The following VTI1A variants were observed in gnomAD, a reference collection of about 807,000 sequenced individuals.
The protein encoded by VTI1A is vesicle transport through interaction with t-SNAREs homolog 1A.
Under a neutral mutation model 34.9 loss-of-function variants are expected in VTI1A, and 22 were observed. That is an observed-to-expected ratio of 0.63 (90% CI 0.45 to 0.90). The LOEUF (loss-of-function observed/expected upper bound fraction) is 0.90, where lower values mean the gene tolerates loss of function less well. Ranked by LOEUF, VTI1A falls within the 40% of genes least tolerant of loss-of-function variation. The probability of loss-of-function intolerance (pLI) is 0.00; values close to 1 mark genes in which losing one functional copy is unlikely to be tolerated. For synonymous variants in VTI1A, 87 were observed against 97.3 expected, an observed-to-expected ratio of 0.89 and a Z score of 0.62; for missense variants, 268 against 275.6, an observed-to-expected ratio of 0.97 and a Z score of 0.20.
At chr10:112,584,261 T>G (rs555399900) in intron 5 of VTI1A, among the ~76,000 whole-genome samples, 1 of 152,286 alleles carries the variant, frequency 6.6e-6, no homozygotes, top group Non-Finnish European at 1.5e-5. Context: ...TCATTGTAAT[T>G]AAGGCAGAAC....
rs1277139230 is a variant in VTI1A, at chr10:112,668,928, T to G, written c.499-9T>G. On this transcript the variant is annotated splice_polypyrimidine_tract_variant and intron_variant, in intron 6 of 7. Coordinates refer to ENST00000393077, the MANE Select transcript of VTI1A (RefSeq NM_145206.4). ...ATGAACTTCTGTTTTGTTTTGTTTC[T>G]TCTTGTAGCTTCGGGAAACAGATGC... The G allele has an allele frequency of 1.2e-6, 2 of 1,612,196 alleles. No homozygotes were observed. The highest frequency in any genetic ancestry group is 2.2e-5 in the East Asian group (1 of 44,838).
rs1243135030 is a variant in VTI1A at position 112,767,215 on chromosome 10, G to T, written c.561-48075G>T. 6.6e-6 allele frequency among the ~76,000 whole-genome samples: 1 copy of T among 152,164 alleles called. No individual in the cohort carries two copies. The highest frequency in any genetic ancestry group is 1.5e-5 in the Non-Finnish European group (1 of 68,052). Reference sequence around the variant, plus strand: ...GTGCTAAGCTCTTATATGTGTTAGCGCATTTTAATTCTCACAGCAATCTTT... The same window carrying T: ...GTGCTAAGCTCTTATATGTGTTAGCTCATTTTAATTCTCACAGCAATCTTT... On this transcript the variant is annotated intron_variant, in intron 7 of 7. Coordinates refer to ENST00000393077, the MANE Select transcript of VTI1A (RefSeq NM_145206.4). This position sits in a 1 kb window ranked among gnomAD's most constrained non-coding sequence, Gnocchi z 4.0.
chr10:112,658,697 G>A (rs1281964460), intron 5 of VTI1A, among the ~76,000 whole-genome samples: 1 of 152,142 alleles, frequency 6.6e-6, no homozygotes, highest in Admixed American at 6.5e-5. Flanking sequence ...CAGTGGGGAG[G>A]TGGCAAACTG....
intron 7 of VTI1A, among the ~76,000 whole-genome samples, chr10:112,707,254 G>A (rs12355107): frequency 1 from 151,794 of 152,190 alleles, 75,704 homozygotes; most frequent in Middle Eastern, 1. Context: ...TGCAGCCTCA[G>A]CCTTCCCGGG....
chr10:112,503,234 T>G (rs1237317785), intron 3 of VTI1A, among the ~76,000 whole-genome samples: 1 of 152,194 alleles, frequency 6.6e-6, no homozygotes, highest in Non-Finnish European at 1.5e-5. Context: ...TGTATATTTG[T>G]ACCCATTAAT....
intron 5 of VTI1A, among the ~76,000 whole-genome samples, chr10:112,580,655 G>A (rs1843893333): frequency 6.6e-6 from 1 of 152,166 alleles, no homozygotes; most frequent in South Asian, 2.1e-4. Flanking sequence ...CTGTAGGGTA[G>A]TAGGGAGTGC....
intron 5 of VTI1A, among the ~76,000 whole-genome samples, chr10:112,642,977 C>CTTTTTTTTTT (rs58619611): frequency 3.3e-5 from 4 of 121,016 alleles, no homozygotes; most frequent in Non-Finnish European, 6.5e-5. Flanking sequence ...TTTTTCTTTT[C>CTTTTTTTTTT]TTTTTTTTTT....
chr10:112,851,448 A>G, the VTI1A span, among the ~76,000 whole-genome samples: 2 of 152,080 alleles, frequency 1.3e-5, no homozygotes, highest in Non-Finnish European at 2.9e-5. Context: ...ACCTCCTTCA[A>G]TCGAGATTCT....
chr10:112,823,685 C>T (rs1051963898), downstream of VTI1A: 1 of 152,228 alleles, frequency 6.6e-6, no homozygotes, highest in Non-Finnish European at 1.5e-5. Context: ...GCCTGGGCAT[C>T]CCAGCAAATG....
intron 5 of VTI1A, among the ~76,000 whole-genome samples, chr10:112,550,354 T>C (rs1276027290): frequency 6.6e-6 from 1 of 152,038 alleles, no homozygotes; most frequent in Non-Finnish European, 1.5e-5. Flanking sequence ...AGAAGGTTTT[T>C]TTTTTTTTTT....
chr10:112,633,059 T>C (rs1459983735), intron 5 of VTI1A, among the ~76,000 whole-genome samples: 1 of 152,136 alleles, frequency 6.6e-6, no homozygotes, highest in Non-Finnish European at 1.5e-5. Flanking sequence ...TGGTGGCTCA[T>C]GCCAGTAATC....
intron 4 of VTI1A, among the ~76,000 whole-genome samples, chr10:112,536,923 A>C (rs1162325596): frequency 6.6e-6 from 1 of 152,004 alleles, no homozygotes; most frequent in East Asian, 1.9e-4. Flanking sequence ...TGGAAGCGAG[A>C]TATTCTGTCA....
chr10:112,688,748 A>G (rs1352548470), intron 7 of VTI1A, among the ~76,000 whole-genome samples: 2 of 152,014 alleles, frequency 1.3e-5, no homozygotes, highest in African/African-American at 4.8e-5. Flanking sequence ...CATGTTGGCT[A>G]GGCTGGTCTC....
intron 1 of VTI1A, among the ~76,000 whole-genome samples, chr10:112,456,836 C>T (rs1443923969): frequency 1.3e-5 from 2 of 152,116 alleles, no homozygotes; most frequent in African/African-American, 4.8e-5. Flanking sequence ...TAGTTAGAGC[C>T]GCTCAAGACT....
At chr10:112,460,410 T>A (rs1026896752) in intron 1 of VTI1A, 114 bp from the exon 2 acceptor site, 7 of 911,304 alleles carry the variant, frequency 7.7e-6, no homozygotes, top group Non-Finnish European at 1.1e-5. Context: ...TCTTTTGCCT[T>A]ATGTTCTGTA....
chr10:112,645,942 GTTTTT>G (rs71035394), intron 5 of VTI1A, among the ~76,000 whole-genome samples: 1 of 137,324 alleles, frequency 7.3e-6, no homozygotes, highest in East Asian at 2.1e-4. Flanking sequence ...AATATACTGT[GTTTTT>G]TTTTTTTTTT....
At chr10:112,645,210 C>T (rs1846727232) in intron 5 of VTI1A, among the ~76,000 whole-genome samples, 1 of 152,202 alleles carries the variant, frequency 6.6e-6, no homozygotes, top group Non-Finnish European at 1.5e-5. Context: ...TTTATGATAG[C>T]TCAATATGTA....
chr10:112,827,567 A>C, the VTI1A span: 3 of 152,118 alleles, frequency 2.0e-5, no homozygotes, highest in Admixed American at 2.0e-4. Flanking sequence ...TGTTTGTAAA[A>C]AATCTATTTA....
At chr10:112,610,927 A>T (rs1275747585) in intron 5 of VTI1A, among the ~76,000 whole-genome samples, 3 of 152,200 alleles carry the variant, frequency 2.0e-5, no homozygotes. Flanking sequence ...TCAAAAAAAA[A>T]AAAAAAGTAT....
Sources: gnomAD v4.1 joint callset for allele counts (sites outside exome capture counted in the v4.1 genomes callset) on GRCh38, gnomAD v4.1.1 for gene constraint, Gnocchi (gnomAD v3.1) non-coding constraint, MANE v1.5 for transcripts, NCBI Gene and HGNC (gene_info 2026-07-23, HGNC 2026-07-21) for gene names.